Variants in CHD1 observed in about 807,000 individuals in gnomAD.
CHD1 encodes chromodomain helicase DNA binding protein 1, also known as ATP-dependent chromatin remodeler CHD1.
In CHD1, 36 loss-of-function variants were observed where a neutral mutation model predicts 224.2. That is an observed-to-expected ratio of 0.16 (90% CI 0.12 to 0.21). CHD1 has a LOEUF of 0.21. Among genes scored for constraint, CHD1 ranks in the 10% least tolerant of loss-of-function variants. CHD1 has a pLI of 1.00. For missense variants in CHD1, 1,378 were observed against 1,994.8 expected (o/e 0.69, Z 5.89); for synonymous variants, 668 against 658.3 (o/e 1.01, Z -0.23).
chr5:98,885,535 C>T (rs372010557), intron 18 of CHD1, 43 bp downstream of exon 18: 64 of 1,194,044 alleles, frequency 5.4e-5, no homozygotes, highest in East Asian at 5.1e-4. Flanking sequence ...TATACTGATA[C>T]TAAATCAAAA....
chr5:98,871,130 C>A (rs1749300861), intron 28 of CHD1, among the ~76,000 whole-genome samples: 1 of 151,702 alleles, frequency 6.6e-6, no homozygotes. Context: ...AATCCTTAAA[C>A]ACCTTCCCTT....
intron 2 of CHD1, among the ~76,000 whole-genome samples, chr5:98,911,760 T>C (rs1380036808): frequency 2.0e-5 from 3 of 152,104 alleles, no homozygotes; most frequent in Non-Finnish European, 4.4e-5. Flanking sequence ...AAAACCCAAA[T>C]TGAGAAATAT....
Position 98,909,667 on chromosome 5 carries a change from T to TA in CHD1, c.54-4570dup, listed in dbSNP as rs532135920. ...CATCATATTTGTTAACTCTGAGGTATAGTTCATGAAGAAAAGGGGTTTTAT... is the reference window on the plus strand; with the variant it reads ...CATCATATTTGTTAACTCTGAGGTATAAGTTCATGAAGAAAAGGGGTTTTAT... On this transcript the variant is annotated intron_variant, in intron 2 of 35. Coordinates refer to ENST00000614616, the MANE Select transcript of CHD1 (RefSeq NM_001270.4). Among the ~76,000 whole-genome samples the TA allele has an allele frequency of 1.0e-3, 158 of 152,326 alleles. 1 individual carries two copies. Among genetic ancestry groups the TA allele is most frequent in the Admixed American group, 3.5e-3 (53 of 15,302 alleles).
chr5:98,903,485 T>C (rs1751856330), intron 4 of CHD1, among the ~76,000 whole-genome samples: 1 of 151,570 alleles, frequency 6.6e-6, no homozygotes, highest in African/African-American at 2.4e-5. Flanking sequence ...CATTCATACA[T>C]GTATATGCGT....
At position 98,924,894 on chromosome 5, in the gene CHD1, C is replaced by A. The variant is rs541355390; in HGVS notation, c.53+1440G>T. ...TCCGGAGGCTGAGGTAGGAGAAACA[C>A]TTGAGCCTGGGAGGTGGAGGTTGCA... On this transcript the variant is annotated intron_variant, in intron 2 of 35. Coordinates refer to ENST00000614616, the MANE Select transcript of CHD1 (RefSeq NM_001270.4). Among the ~76,000 whole-genome samples, 158 of 152,004 alleles carry A rather than the reference C, an allele frequency of 1.0e-3. 1 individual carries two copies. The highest frequency in any genetic ancestry group is 3.4e-3 in the Middle Eastern group (1 of 294).
intron 15 of CHD1, 136 bp from the exon 16 acceptor site, chr5:98,889,374 T>C (rs370234345): frequency 1.4e-4 from 81 of 599,692 alleles, no homozygotes; most frequent in East Asian, 1.2e-3. Context: ...CACAGCTGTA[T>C]ATACAACGGA....
chr5:98,868,935 T>C, intron 30 of CHD1: 2 of 629,544 alleles, frequency 3.2e-6, no homozygotes, highest in Non-Finnish European at 4.0e-6. Context: ...TAATAAGGGC[T>C]GATATGCAAT....
At chr5:98,866,126 C>CAA (rs1327534588) in intron 31 of CHD1, among the ~76,000 whole-genome samples, 2 of 151,284 alleles carry the variant, frequency 1.3e-5, no homozygotes, top group Non-Finnish European at 2.9e-5. Context: ...AAAACAAAAA[C>CAA]AAAAAACAAA....
chr5:98,868,729 T>A (rs1483444789), intron 30 of CHD1, 94 bp from the exon 31 acceptor site: 1 of 1,220,710 alleles, frequency 8.2e-7, no homozygotes, highest in Admixed American at 2.7e-5. Context: ...CTGTCTCATT[T>A]TATTCTACAA....
chr5:98,878,747 A>C (rs1232201455), intron 23 of CHD1, among the ~76,000 whole-genome samples: 1 of 152,210 alleles, frequency 6.6e-6, no homozygotes, highest in African/African-American at 2.4e-5. Context: ...TTTAAAACAT[A>C]CTTCTAAAAA....
intron 26 of CHD1, 57 bp downstream of exon 26, chr5:98,873,536 G>C: frequency 2.2e-6 from 3 of 1,357,864 alleles, no homozygotes; most frequent in Non-Finnish European, 3.0e-6. Context: ...GCTCAATAAA[G>C]CATATTTTGA....
chr5:98,921,807 C>G (rs1753114301), intron 2 of CHD1, among the ~76,000 whole-genome samples: 1 of 152,098 alleles, frequency 6.6e-6, no homozygotes, highest in South Asian at 2.1e-4. Context: ...TGATCTTTAA[C>G]CATATAGCCA....
chr5:98,920,189 T>C (rs1246089402), intron 2 of CHD1, among the ~76,000 whole-genome samples: 1 of 152,076 alleles, frequency 6.6e-6, no homozygotes, highest in East Asian at 1.9e-4. Context: ...TATAAACGAT[T>C]TAGAAATTTC....
intron 2 of CHD1, among the ~76,000 whole-genome samples, chr5:98,910,579 T>G (rs949322955): frequency 6.6e-6 from 1 of 152,194 alleles, no homozygotes; most frequent in African/African-American, 2.4e-5. Flanking sequence ...CTCTACACTA[T>G]GTCCTCTCTT....
chr5:98,856,276 TAGA>T lies in CHD1; in HGVS notation c.*101_*103del. On this transcript the variant is annotated 3_prime_UTR_variant, in exon 36 of 36. Coordinates refer to ENST00000614616, the MANE Select transcript of CHD1 (RefSeq NM_001270.4). ...AAAGAAGTAACAATACTGCTACTGATAGAAGATCTGTTTATATCTTTCAAGTCA... is the reference window on the plus strand; with the variant it reads ...AAAGAAGTAACAATACTGCTACTGATAGATCTGTTTATATCTTTCAAGTCA... 6.5e-6 allele frequency: 5 copies of T among 764,056 alleles called. No individual in the cohort carries two copies. Among genetic ancestry groups the T allele is most frequent in the Non-Finnish European group, 1.1e-5 (5 of 460,850 alleles). 47.3% of individuals were successfully genotyped at this position (764,056 alleles called of 1,614,324 possible). A position where few individuals can be genotyped will look rare whatever the true frequency, so the allele number is the denominator to read the frequency against.
In CHD1 at chr5:98,896,337, A is replaced by G; in HGVS notation, c.1599T>C (p.Phe533=). 6.2e-7 allele frequency: 1 copy of G among 1,614,028 alleles called. No individual in the cohort carries two copies. The highest frequency in any genetic ancestry group is 8.5e-7 in the Non-Finnish European group (1 of 1,179,894). Residue 533 remains phenylalanine (F), a synonymous_variant, in exon 12 of 36, where the codon TTT becomes TTC. Coordinates refer to ENST00000614616, the MANE Select transcript of CHD1 (RefSeq NM_001270.4). ...LFHEHQLYGP[F]LLVVPLSTLT... ...GAGTGGAGAGCGGTACTACCAATAAAAAAGGTCCATATAATTGATGTTCAT... is the reference window on the plus strand; with the variant it reads ...GAGTGGAGAGCGGTACTACCAATAAGAAAGGTCCATATAATTGATGTTCAT...
chr5:98,926,964 C>T (rs926620148), intron 1 of CHD1, among the ~76,000 whole-genome samples: 3 of 151,064 alleles, frequency 2.0e-5, no homozygotes, highest in Non-Finnish European at 2.9e-5. Context: ...GCCCTCACTC[C>T]TATCACCAAG....
At chr5:98,873,333 A>C (rs961543570) in intron 26 of CHD1, among the ~76,000 whole-genome samples, 2 of 152,164 alleles carry the variant, frequency 1.3e-5, no homozygotes, top group Non-Finnish European at 2.9e-5. Flanking sequence ...ATGAATGTAC[A>C]TATGTGTGTG....
chr5:98,927,362 G>A (rs1336833032), intron 1 of CHD1, among the ~76,000 whole-genome samples: 1 of 152,130 alleles, frequency 6.6e-6, no homozygotes, highest in Non-Finnish European at 1.5e-5. Flanking sequence ...AGCGGGGGAA[G>A]GAGACGTCAG....
Sources: gnomAD v4.1 joint callset for allele counts (sites outside exome capture counted in the v4.1 genomes callset) on GRCh38, gnomAD v4.1.1 for gene constraint, MANE v1.5 for transcripts, NCBI Gene and HGNC (gene_info 2026-07-23, HGNC 2026-07-21) for gene names.